PLCB4: variants seen among roughly 807,000 people sequenced by gnomAD.
The protein encoded by PLCB4 is 1-phosphatidylinositol 4,5-bisphosphate phosphodiesterase beta-4.
PLCB4 carries 77 observed loss-of-function variants against 178.8 expected under a neutral mutation model. That is an observed-to-expected ratio of 0.43 (90% confidence interval 0.36 to 0.52). The LOEUF (loss-of-function observed/expected upper bound fraction) is 0.52. Among genes scored for constraint, PLCB4 ranks in the 20% least tolerant of loss-of-function variants. The pLI is 0.00. For synonymous variants in PLCB4, 496 were observed against 490.8 expected, an observed-to-expected ratio of 1.01 and a Z score of -0.14; for missense variants, 1,024 against 1,453.4, an observed-to-expected ratio of 0.70 and a Z score of 4.80.
At chr20:9,339,275 A>T (rs1045447001) in intron 7 of PLCB4, among the ~76,000 whole-genome samples, 1 of 152,144 alleles carries the variant, frequency 6.6e-6, no homozygotes, top group African/African-American at 2.4e-5. Context: ...CTAGTCCAGC[A>T]CTTCTCCAAC....
At chr20:9,173,161 T>A (rs752126825) in intron 2 of PLCB4, among the ~76,000 whole-genome samples, 8 of 152,214 alleles carry the variant, frequency 5.3e-5, no homozygotes, top group Non-Finnish European at 1.2e-4. Flanking sequence ...GGGTGTAGCG[T>A]TGAGCCAGTA....
intron 2 of PLCB4, among the ~76,000 whole-genome samples, chr20:9,194,692 C>CAAAA (rs555217572): frequency 7.4e-5 from 3 of 40,758 alleles, no homozygotes; most frequent in African/African-American, 9.2e-5. Context: ...GACTCCATCT[C>CAAAA]AAAAAAAAAA....
intron 2 of PLCB4, among the ~76,000 whole-genome samples, chr20:9,144,127 A>G (rs1299748549): frequency 6.6e-6 from 1 of 152,138 alleles, no homozygotes; most frequent in Admixed American, 6.5e-5. Context: ...GAAATAACGC[A>G]TGCAGAAAAA....
intron 2 of PLCB4, among the ~76,000 whole-genome samples, chr20:9,107,847 T>C (rs1438917996): frequency 6.6e-6 from 1 of 152,104 alleles, no homozygotes; most frequent in Non-Finnish European, 1.5e-5. Context: ...GAGGTTATGT[T>C]CCTGTGTAAT....
chr20:9,327,243 A>G (rs2030756660), intron 4 of PLCB4, among the ~76,000 whole-genome samples: 1 of 151,310 alleles, frequency 6.6e-6, no homozygotes, highest in African/African-American at 2.4e-5. Context: ...GTTCGAGTTC[A>G]GCCTGGACAA....
chr20:9,301,104 A>G (rs2094697428), intron 3 of PLCB4, among the ~76,000 whole-genome samples: 1 of 151,102 alleles, frequency 6.6e-6, no homozygotes, highest in Non-Finnish European at 1.5e-5. Flanking sequence ...GCTTGTGTCA[A>G]AACTTCCCCT....
chr20:9,228,863 A>G (rs2093898880), intron 3 of PLCB4, among the ~76,000 whole-genome samples: 1 of 152,180 alleles, frequency 6.6e-6, no homozygotes, highest in South Asian at 2.1e-4. Context: ...GCCCATGCAG[A>G]ACCTCCTAAA....
intron 32 of PLCB4, among the ~76,000 whole-genome samples, chr20:9,448,279 A>G (rs912669238): frequency 1.3e-5 from 2 of 152,114 alleles, no homozygotes; most frequent in African/African-American, 2.4e-5. Context: ...GGACATCTAC[A>G]GCTCTTTTAT....
At chr20:9,376,441 C>T (rs1488144368) in intron 12 of PLCB4, among the ~76,000 whole-genome samples, 1 of 152,148 alleles carries the variant, frequency 6.6e-6, no homozygotes, top group Non-Finnish European at 1.5e-5. Flanking sequence ...AGGAATCCAC[C>T]ACTCAGAGCT....
At chr20:9,354,620 C>T (rs2034630698) in intron 7 of PLCB4, among the ~76,000 whole-genome samples, 1 of 152,234 alleles carries the variant, frequency 6.6e-6, no homozygotes, top group South Asian at 2.1e-4. Flanking sequence ...TTGAGAACCT[C>T]TGGCATAATG....
chr20:9,149,078 C>G (rs979514719), intron 2 of PLCB4, among the ~76,000 whole-genome samples: 1 of 152,134 alleles, frequency 6.6e-6, no homozygotes, highest in Non-Finnish European at 1.5e-5. Flanking sequence ...CAACAGGAAG[C>G]ACTGGTGGAA....
intron 3 of PLCB4, among the ~76,000 whole-genome samples, chr20:9,307,494 T>TATATATAC (rs1396442853): frequency 1.3e-4 from 18 of 138,096 alleles, no homozygotes; most frequent in African/African-American, 4.7e-4. Context: ...AAAAAAAGAA[T>TATATATAC]ACACACACAC....
intron 7 of PLCB4, among the ~76,000 whole-genome samples, chr20:9,358,909 C>G (rs1252722402): frequency 1.3e-5 from 2 of 151,832 alleles, no homozygotes; most frequent in East Asian, 3.9e-4. Flanking sequence ...AAAAAAACAA[C>G]AAAAAAAGGA....
chr20:9,447,478 C>T (rs1284490004), intron 32 of PLCB4, among the ~76,000 whole-genome samples: 1 of 152,136 alleles, frequency 6.6e-6, no homozygotes, highest in Non-Finnish European at 1.5e-5. Flanking sequence ...AGAGACCAAG[C>T]AGATCAAGCA....
chr20:9,356,274 C>T (rs2034812792), intron 7 of PLCB4, among the ~76,000 whole-genome samples: 1 of 152,112 alleles, frequency 6.6e-6, no homozygotes, highest in Non-Finnish European at 1.5e-5. Context: ...GTTTCTTTTG[C>T]TGTGCAGAAG....
At chr20:9,178,890 G>A (rs2093198962) in intron 2 of PLCB4, among the ~76,000 whole-genome samples, 1 of 152,086 alleles carries the variant, frequency 6.6e-6, no homozygotes, top group African/African-American at 2.4e-5. Flanking sequence ...TAAATGTTAA[G>A]TGTGAACTTG....
At chr20:9,233,280 A>T (rs1370038004) in intron 3 of PLCB4, among the ~76,000 whole-genome samples, 1 of 151,662 alleles carries the variant, frequency 6.6e-6, no homozygotes, top group Non-Finnish European at 1.5e-5. Flanking sequence ...CTTTTTTGTA[A>T]TTTTTTTTCT....
rs41275612 is a variant in PLCB4, at chr20:9,479,747, G to A, written c.*738G>A. 3,361 of 152,646 alleles carry A rather than the reference G, an allele frequency of 0.022. 64 individuals are homozygous for A. Among genetic ancestry groups the A allele is most frequent in the Middle Eastern group, 0.041 (12 of 294 alleles). The allele number at this position is 152,646 out of a possible 1,614,324, so 9.5% of individuals were successfully genotyped here. ...CATAAAGATTGTGAAGTGGTTATTGGCAAACGTTTGTAAATGTGACCATGT... is the reference window on the plus strand; with the variant it reads ...CATAAAGATTGTGAAGTGGTTATTGACAAACGTTTGTAAATGTGACCATGT... On this transcript the variant is annotated 3_prime_UTR_variant, in exon 40 of 40. Coordinates refer to ENST00000378473, the MANE Select transcript of PLCB4 (RefSeq NM_001377142.1).
intron 4 of PLCB4, among the ~76,000 whole-genome samples, chr20:9,323,003 T>C (rs1376678253): frequency 6.6e-6 from 1 of 152,202 alleles, no homozygotes; most frequent in Non-Finnish European, 1.5e-5. Flanking sequence ...AAGATGGATT[T>C]TTTAAAAATG....
Sources: allele counts gnomAD v4.1 joint callset (sites outside exome capture counted in the v4.1 genomes callset), GRCh38; gene constraint gnomAD v4.1.1; transcripts MANE v1.5; gene names NCBI Gene and HGNC (gene_info 2026-07-23, HGNC 2026-07-21).